CCDC112: variants seen among roughly 807,000 people sequenced by gnomAD.
CCDC112 encodes coiled-coil domain-containing protein 112.
Under a neutral mutation model 66.3 loss-of-function variants are expected in CCDC112, and 40 were observed. The ratio of observed to expected loss-of-function variants is 0.60; its 90% CI spans 0.47 to 0.79. CCDC112 has a LOEUF of 0.79. CCDC112 is among the 30% of genes least tolerant of loss of function. The probability of loss-of-function intolerance (pLI) is 0.00; values close to 1 mark genes in which losing one functional copy is unlikely to be tolerated. For missense variants in CCDC112, 659 were observed against 603.8 expected, an observed-to-expected ratio of 1.09 and a Z score of -0.96; for synonymous variants, 214 against 197.2, an observed-to-expected ratio of 1.09 and a Z score of -0.71.
At chr5:115,293,325 T>C (rs1236258128) in intron 1 of CCDC112, among the ~76,000 whole-genome samples, 3 of 152,148 alleles carry the variant, frequency 2.0e-5, no homozygotes, top group Non-Finnish European at 2.9e-5. Context: ...ATTTCAAATG[T>C]TTCACCAGAA....
At chr5:115,293,724 A>G (rs1446420983) in intron 1 of CCDC112, among the ~76,000 whole-genome samples, 6 of 152,228 alleles carry the variant, frequency 3.9e-5, no homozygotes, top group Non-Finnish European at 8.8e-5. Context: ...AATTTATCTT[A>G]ATCACACCTG....
chr5:115,284,945 A>T (rs1470720569), intron 1 of CCDC112, 37 bp from the exon 2 acceptor site: 1 of 1,577,792 alleles, frequency 6.3e-7, no homozygotes, highest in South Asian at 1.2e-5. Context: ...CAGTAATGAA[A>T]ATAGTAAGAC....
At chr5:115,277,146 A>C in intron 3 of CCDC112, 92 bp from the exon 4 acceptor site, 1 of 702,928 alleles carries the variant, frequency 1.4e-6, no homozygotes, top group South Asian at 1.6e-5. Context: ...ACTGTTAGTA[A>C]AAGCCAAGAG....
intron 1 of CCDC112, among the ~76,000 whole-genome samples, chr5:115,286,498 G>C (rs1749680095): frequency 6.6e-6 from 1 of 152,158 alleles, no homozygotes; most frequent in Non-Finnish European, 1.5e-5. Flanking sequence ...AAATTAATCT[G>C]AACATTTGTG....
chr5:115,274,971 G>A (rs868136165), intron 6 of CCDC112, among the ~76,000 whole-genome samples: 1 of 152,094 alleles, frequency 6.6e-6, no homozygotes, highest in Non-Finnish European at 1.5e-5. Context: ...TCAAACTCCT[G>A]AGCTCAAGTG....
At chr5:115,284,358 T>C (rs1482708452) in intron 2 of CCDC112, among the ~76,000 whole-genome samples, 5 of 152,164 alleles carry the variant, frequency 3.3e-5, no homozygotes, top group East Asian at 1.9e-4. Context: ...AGAAGAGCAA[T>C]TTAAATATAT....
At chr5:115,291,114 A>G (rs1580810687) in intron 1 of CCDC112, among the ~76,000 whole-genome samples, 1 of 152,124 alleles carries the variant, frequency 6.6e-6, no homozygotes, top group South Asian at 2.1e-4. Context: ...TTACTTAATG[A>G]TGCCTCTATC....
At chr5:115,278,487 TA>T (rs1401977834) in intron 3 of CCDC112, among the ~76,000 whole-genome samples, 1 of 151,758 alleles carries the variant, frequency 6.6e-6, no homozygotes, top group African/African-American at 2.4e-5. Context: ...AAAAATAACT[TA>T]AAAAAATAAG....
intron 1 of CCDC112, among the ~76,000 whole-genome samples, chr5:115,290,192 C>T (rs1029361592): frequency 1.3e-5 from 2 of 152,190 alleles, no homozygotes; most frequent in African/African-American, 4.8e-5. Context: ...GGTAGTTCAG[C>T]TTCTGTAGGT....
At chr5:115,292,345 GA>G (rs1249140659) in intron 1 of CCDC112, among the ~76,000 whole-genome samples, 1 of 151,286 alleles carries the variant, frequency 6.6e-6, no homozygotes, top group Non-Finnish European at 1.5e-5. Context: ...ATTTCTACTT[GA>G]TTCTTTTTTA....
chr5:115,274,070 G>T (rs556767677), intron 6 of CCDC112, among the ~76,000 whole-genome samples: 22 of 151,734 alleles, frequency 1.4e-4, no homozygotes, highest in African/African-American at 5.1e-4. Flanking sequence ...CAACCTTTTT[G>T]TTAAACCAGG....
chr5:115,282,630 A>T (rs1749505498), intron 2 of CCDC112, among the ~76,000 whole-genome samples: 1 of 152,136 alleles, frequency 6.6e-6, no homozygotes, highest in African/African-American at 2.4e-5. Context: ...ATTTATACAA[A>T]AAAGGAAAAA....
intron 3 of CCDC112, among the ~76,000 whole-genome samples, chr5:115,277,480 T>G (rs1221257601): frequency 6.6e-6 from 1 of 152,220 alleles, no homozygotes; most frequent in Non-Finnish European, 1.5e-5. Flanking sequence ...ATTTAGTTAA[T>G]TCTGTGAATA....
chr5:115,281,605 C>T (rs1044463873), intron 2 of CCDC112, among the ~76,000 whole-genome samples: 1 of 152,180 alleles, frequency 6.6e-6, no homozygotes, highest in African/African-American at 2.4e-5. Context: ...TAAAAAGAAA[C>T]GTCTGCCATG....
chr5:115,271,150 A>T, intron 7 of CCDC112, 63 bp downstream of exon 7: 1 of 1,462,222 alleles, frequency 6.8e-7, no homozygotes, highest in Non-Finnish European at 9.2e-7. Flanking sequence ...TGCTTAACTG[A>T]ATTTGGAAGT....
chr5:115,284,865 T>C lies in CCDC112; in HGVS notation c.161A>G (p.His54Arg), dbSNP rs572687615. 1.9e-4 allele frequency: 311 copies of C among 1,612,772 alleles called. No individual in the cohort carries two copies. Among genetic ancestry groups the C allele is most frequent in the Admixed American group, 3.5e-4 (21 of 60,010 alleles). ...AACTTTCTGCTTCCAGTTCTGAAGA[T>C]GAAAAGGACGAATTCCACCTGAAGT... is the stretch of plus-strand genomic sequence containing the variant. Reference protein sequence around the residue: ...FSTSGGIRPFHLQNWKQKVNQ... With the variant: ...FSTSGGIRPFRLQNWKQKVNQ... Residue 54 changes from histidine to arginine, a missense_variant, in exon 2 of 10, where the codon CAT becomes CGT. His to Arg is a conservative substitution (Grantham distance 29). Transcript: ENST00000379611.
Position 115,267,197 on chromosome 5 carries a change from GAC to G in CCDC112, c.*677_*678del, listed in dbSNP as rs1354964410. 1 of 152,142 alleles carries G rather than the reference GAC, an allele frequency of 6.6e-6. No individual in the cohort carries two copies. The highest frequency in any genetic ancestry group is 1.5e-5 in the Non-Finnish European group (1 of 68,020). 9.4% of individuals were successfully genotyped at this position (152,142 alleles called of 1,614,324 possible). On this transcript the variant is annotated 3_prime_UTR_variant, in exon 10 of 10. Coordinates refer to ENST00000379611, the MANE Select transcript of CCDC112 (RefSeq NM_001040440.3). Reference sequence around the variant, plus strand: ...CTGCATTAGCCAGGAAGATGTGAAAGACACAAAGATTTTATAAATCTGTGAAA... The same window carrying G: ...CTGCATTAGCCAGGAAGATGTGAAAGACAAAGATTTTATAAATCTGTGAAA...
intron 1 of CCDC112, among the ~76,000 whole-genome samples, chr5:115,291,855 A>C (rs1302493412): frequency 6.6e-6 from 1 of 152,240 alleles, no homozygotes; most frequent in Non-Finnish European, 1.5e-5. Flanking sequence ...TTCTGATGTG[A>C]AAACAGCTGT....
At chr5:115,287,858 A>AT (rs1749746341) in intron 1 of CCDC112, among the ~76,000 whole-genome samples, 1 of 150,228 alleles carries the variant, frequency 6.7e-6, no homozygotes, top group Non-Finnish European at 1.5e-5. Flanking sequence ...TTTTTCTTTT[A>AT]TTTTTCTTTT....
Sources: gnomAD v4.1 joint callset for allele counts (sites outside exome capture counted in the v4.1 genomes callset) on GRCh38, gnomAD v4.1.1 for gene constraint, MANE v1.5 for transcripts, NCBI Gene and HGNC (gene_info 2026-07-23, HGNC 2026-07-21) for gene names.